Variants in NREP observed in about 807,000 individuals in gnomAD.
NREP encodes the protein neuronal regeneration-related protein.
In NREP, 5 loss-of-function variants were observed where a neutral mutation model predicts 8.6. That is an observed-to-expected ratio of 0.58 (90% CI 0.30 to 1.22). The LOEUF (loss-of-function observed/expected upper bound fraction) is 1.22. Ranked by LOEUF, NREP falls within the 50% of genes most tolerant of loss-of-function variation. The pLI is 0.07. For synonymous variants in NREP, 27 were observed against 28.0 expected (o/e 0.96, Z 0.11); for missense variants, 86 against 82.5 (o/e 1.04, Z -0.17).
chr5:111,953,585 G>T (rs1354637016), intron 2 of NREP, among the ~76,000 whole-genome samples: 1 of 151,984 alleles, frequency 6.6e-6, no homozygotes, highest in Non-Finnish European at 1.5e-5. Flanking sequence ...TAAGTAGTGA[G>T]AATACAAAAA....
rs565034946 is a variant in NREP at position 111,955,843 on chromosome 5, A to C, written c.135+19431T>G. Reference sequence around the variant, plus strand: ...GAGTAGACAGAGCCAAAAGGTTTGGAGTTTCAACACTAACATAAGGGATGA... The same window carrying C: ...GAGTAGACAGAGCCAAAAGGTTTGGCGTTTCAACACTAACATAAGGGATGA... On this transcript the variant is annotated intron_variant, in intron 2 of 3. Coordinates refer to the NREP transcript ENST00000395634. Among the ~76,000 whole-genome samples, 12 of 149,926 alleles carry C rather than the reference A, an allele frequency of 8.0e-5. No homozygotes were observed. In the East Asian group the frequency reaches 2.5e-3, roughly 31 times the overall value.
chr5:111,919,907 GAAA>G (rs1755182136), intron 2 of NREP, among the ~76,000 whole-genome samples: 1 of 149,026 alleles, frequency 6.7e-6, no homozygotes, highest in Admixed American at 6.8e-5. Context: ...AAGAAAGAAA[GAAA>G]GAAAGAAAGA....
intron 2 of NREP, among the ~76,000 whole-genome samples, chr5:111,835,770 A>C (rs946649799): frequency 6.6e-5 from 10 of 152,050 alleles, no homozygotes; most frequent in Non-Finnish European, 1.5e-4. Flanking sequence ...GAGTAGAAGA[A>C]GACAGAGGAG....
intron 2 of NREP, among the ~76,000 whole-genome samples, chr5:111,813,905 G>A (rs1752324392): frequency 6.6e-6 from 1 of 151,970 alleles, no homozygotes; most frequent in South Asian, 2.1e-4. Context: ...CAAAGATGTG[G>A]AACCTGCTAT....
intron 2 of NREP, among the ~76,000 whole-genome samples, chr5:111,735,724 AAGTCC>A (rs1331605727): frequency 1.3e-5 from 2 of 152,228 alleles, no homozygotes; most frequent in Non-Finnish European, 2.9e-5. Flanking sequence ...TTCCAAGATT[AAGTCC>A]AATAAAGCAG....
chr5:111,963,030 C>T (rs777787763), intron 2 of NREP, among the ~76,000 whole-genome samples: 1 of 152,286 alleles, frequency 6.6e-6, no homozygotes, highest in African/African-American at 2.4e-5. Context: ...GGCTGTCACA[C>T]TGGCCATTTG....
intron 2 of NREP, among the ~76,000 whole-genome samples, chr5:111,743,863 C>A (rs1161659338): frequency 6.6e-6 from 1 of 152,114 alleles, no homozygotes; most frequent in African/African-American, 2.4e-5. Flanking sequence ...GCTATGTTTT[C>A]TTTCCTTCTG....
At chr5:111,841,706 G>T (rs1051093610) in intron 2 of NREP, among the ~76,000 whole-genome samples, 1 of 152,020 alleles carries the variant, frequency 6.6e-6, no homozygotes, top group East Asian at 1.9e-4. Context: ...TATAAGTACG[G>T]GCCTGTATTT....
intron 2 of NREP, among the ~76,000 whole-genome samples, chr5:111,788,571 C>A (rs12655884): frequency 0.17 from 26,180 of 152,128 alleles, 2,333 homozygotes; most frequent in Admixed American, 0.25. Flanking sequence ...ACCCAGAATT[C>A]CTGGAAAAGC....
intron 2 of NREP, among the ~76,000 whole-genome samples, chr5:111,928,653 G>C (rs542697208): frequency 6.6e-6 from 1 of 152,238 alleles, no homozygotes; most frequent in East Asian, 1.9e-4. Flanking sequence ...GAGCTGTGAA[G>C]TGTCAAGTTT....
chr5:111,834,791 G>C (rs1008090059), intron 2 of NREP, among the ~76,000 whole-genome samples: 1 of 152,158 alleles, frequency 6.6e-6, no homozygotes, highest in Non-Finnish European at 1.5e-5. Context: ...CATTTTGGTA[G>C]ATAATTTTTC....
chr5:111,780,782 T>C (rs1471698206), intron 2 of NREP, among the ~76,000 whole-genome samples: 3 of 152,208 alleles, frequency 2.0e-5, no homozygotes, highest in African/African-American at 4.8e-5. Context: ...CAGCAATTTC[T>C]ACATTGCAAA....
chr5:111,894,297 A>T (rs1754458882), intron 2 of NREP, among the ~76,000 whole-genome samples: 1 of 152,146 alleles, frequency 6.6e-6, no homozygotes, highest in East Asian at 1.9e-4. Flanking sequence ...AGTGTAGGGT[A>T]TTGAAGAGAA....
chr5:111,869,793 T>C (rs1261938209), intron 2 of NREP, among the ~76,000 whole-genome samples: 1 of 152,150 alleles, frequency 6.6e-6, no homozygotes, highest in Non-Finnish European at 1.5e-5. Flanking sequence ...AGGAATTTGT[T>C]TCTTAACTGA....
intron 2 of NREP, among the ~76,000 whole-genome samples, chr5:111,799,332 C>T (rs1751947463): frequency 2.0e-5 from 3 of 152,054 alleles, no homozygotes; most frequent in Non-Finnish European, 1.5e-5. Context: ...ATGGGAATTG[C>T]ATTGAATTTG....
intron 2 of NREP, among the ~76,000 whole-genome samples, chr5:111,931,297 C>A (rs1352482911): frequency 6.6e-6 from 1 of 152,032 alleles, no homozygotes; most frequent in East Asian, 1.9e-4. Context: ...TGGTATGCAA[C>A]TGCAGAGGCT....
At chr5:111,734,790 G>A in intron 3 of NREP, 1 of 688,226 alleles carries the variant, frequency 1.5e-6, no homozygotes, top group Non-Finnish European at 2.7e-6. Context: ...CTCCCCGCTT[G>A]AAGTCAAACA....
At chr5:111,913,304 A>T (rs530509085) in intron 2 of NREP, among the ~76,000 whole-genome samples, 1 of 152,214 alleles carries the variant, frequency 6.6e-6, no homozygotes, top group Non-Finnish European at 1.5e-5. Flanking sequence ...GGTCTTATAA[A>T]ATATCCTTCT....
At chr5:111,838,311 A>G (rs1752944316) in intron 2 of NREP, among the ~76,000 whole-genome samples, 1 of 152,116 alleles carries the variant, frequency 6.6e-6, no homozygotes, top group African/African-American at 2.4e-5. Context: ...GTTAGTGGCT[A>G]CTACACTGGT....
Sources: gnomAD v4.1 joint callset for allele counts (sites outside exome capture counted in the v4.1 genomes callset) on GRCh38, gnomAD v4.1.1 for gene constraint, MANE v1.5 for transcripts, NCBI Gene and HGNC (gene_info 2026-07-23, HGNC 2026-07-21) for gene names.